STPG2: variants seen among roughly 807,000 people sequenced by gnomAD.
STPG2 encodes sperm tail PG-rich repeat containing 2, also known as sperm-tail PG-rich repeat-containing protein 2.
STPG2 carries 56 observed loss-of-function variants against 54.2 expected under a neutral mutation model. That is an observed-to-expected ratio of 1.03 (90% CI 0.83 to 1.29). The LOEUF is 1.29. Among genes scored for constraint, STPG2 ranks in the 50% most tolerant of loss-of-function variants. STPG2 has a pLI of 0.00. For missense variants in STPG2, 596 were observed against 544.9 expected, an observed-to-expected ratio of 1.09 and a Z score of -0.93; for synonymous variants, 200 against 181.8, an observed-to-expected ratio of 1.10 and a Z score of -0.81.
At chr4:97,767,992 C>A (rs1200950003) in intron 9 of STPG2, among the ~76,000 whole-genome samples, 1 of 152,008 alleles carries the variant, frequency 6.6e-6, no homozygotes, top group African/African-American at 2.4e-5. Flanking sequence ...ATGGTGAAAC[C>A]CCGTCTCTAC....
chr4:98,109,626 C>G lies in STPG2; in HGVS notation c.388-321G>C, dbSNP rs189350342. On this transcript the variant is annotated intron_variant, in intron 3 of 10. Coordinates refer to ENST00000295268, the MANE Select transcript of STPG2 (RefSeq NM_174952.3). ...AGAAAAATGAAAATTAGCTCCTCAT[C>G]ATTTAAAAAAGAGAGAGGGGATAAC... 3.5e-4 allele frequency among the ~76,000 whole-genome samples: 53 copies of G among 152,128 alleles called. 1 individual carries two copies. Among genetic ancestry groups the G allele is most frequent in the African/African-American group, 1.2e-3 (49 of 41,494 alleles).
intron 8 of STPG2, among the ~76,000 whole-genome samples, chr4:97,922,980 AT>A (rs1732164188): frequency 6.6e-6 from 1 of 151,946 alleles, no homozygotes; most frequent in African/African-American, 2.4e-5. Context: ...TACAAATGTC[AT>A]TTTATTTTTC....
chr4:98,008,032 A>G (rs1735624961), intron 5 of STPG2, among the ~76,000 whole-genome samples: 1 of 152,154 alleles, frequency 6.6e-6, no homozygotes. Context: ...ATCTATTTAA[A>G]GAAATAATTG....
intron 4 of STPG2, among the ~76,000 whole-genome samples, chr4:97,551,766 T>A (rs1215416551): frequency 6.6e-6 from 1 of 152,224 alleles, no homozygotes; most frequent in Non-Finnish European, 1.5e-5. Context: ...TTATTATTGC[T>A]ACAAAAATAT....
intron 10 of STPG2, among the ~76,000 whole-genome samples, chr4:97,570,097 C>A (rs986426516): frequency 6.6e-6 from 1 of 151,934 alleles, no homozygotes; most frequent in Non-Finnish European, 1.5e-5. Context: ...AAAGACAAAG[C>A]CTCTTTCAGA....
chr4:98,110,063 A>T (rs1739301176), intron 3 of STPG2, among the ~76,000 whole-genome samples: 1 of 152,180 alleles, frequency 6.6e-6, no homozygotes, highest in Admixed American at 6.6e-5. Flanking sequence ...AGAATATTTT[A>T]AAACATATTT....
At chr4:97,972,017 A>G (rs1734343895) in intron 7 of STPG2, among the ~76,000 whole-genome samples, 1 of 151,874 alleles carries the variant, frequency 6.6e-6, no homozygotes, top group South Asian at 2.1e-4. Context: ...CTTTCTGATC[A>G]CCTTCCCATG....
chr4:97,883,135 T>C (rs746601475), intron 8 of STPG2, among the ~76,000 whole-genome samples: 1 of 151,536 alleles, frequency 6.6e-6, no homozygotes, highest in East Asian at 1.9e-4. Flanking sequence ...ATGGGCAACA[T>C]AGGGAGACCT....
At chr4:97,989,318 A>C (rs1253515951) in intron 5 of STPG2, among the ~76,000 whole-genome samples, 1 of 152,198 alleles carries the variant, frequency 6.6e-6, no homozygotes, top group South Asian at 2.1e-4. Context: ...GAAGCTATAC[A>C]GATATGCCGT....
intron 4 of STPG2, among the ~76,000 whole-genome samples, chr4:97,485,906 T>C (rs1730343131): frequency 6.6e-6 from 1 of 151,512 alleles, no homozygotes; most frequent in African/African-American, 2.4e-5. Flanking sequence ...ACAGCCAACT[T>C]GTCTTCAACA....
chr4:97,958,210 T>C (rs1392322578), intron 7 of STPG2, among the ~76,000 whole-genome samples: 1 of 151,926 alleles, frequency 6.6e-6, no homozygotes, highest in Non-Finnish European at 1.5e-5. Context: ...CTTGAAAGGC[T>C]GAGGCACAAG....
intron 8 of STPG2, among the ~76,000 whole-genome samples, chr4:97,842,989 T>C (rs145244874): frequency 5.3e-5 from 8 of 152,016 alleles, no homozygotes; most frequent in African/African-American, 1.9e-4. Context: ...CTCTGTCTAA[T>C]AACAATAATT....
rs1409498981 is a variant in STPG2 at position 98,045,454 on chromosome 4, GT to G, written c.612+60498del. Among the ~76,000 whole-genome samples the G allele has an allele frequency of 2.6e-5, 4 of 152,200 alleles. No individual in the cohort carries two copies. In the East Asian group the frequency reaches 7.7e-4, roughly 29 times the overall value. On this transcript the variant is annotated intron_variant, in intron 5 of 10. Transcript: ENST00000295268. ...TGGAAATAAACTTCATGTACTTAAA[GT>G]TATACAGAAAATAGAATAAACTTAA...
At chr4:98,113,851 G>C (rs947189629) in intron 3 of STPG2, among the ~76,000 whole-genome samples, 3 of 151,974 alleles carry the variant, frequency 2.0e-5, no homozygotes, top group African/African-American at 7.2e-5. Context: ...GAATTCCTAA[G>C]TATAACACAA....
chr4:97,688,040 A>C (rs1723252671), intron 10 of STPG2, among the ~76,000 whole-genome samples: 2 of 152,144 alleles, frequency 1.3e-5, no homozygotes, highest in South Asian at 4.1e-4. Context: ...TTAACTTATA[A>C]CATTTATTCA....
intron 8 of STPG2, among the ~76,000 whole-genome samples, chr4:97,873,341 C>T (rs962317430): frequency 6.6e-6 from 1 of 151,248 alleles, no homozygotes; most frequent in Non-Finnish European, 1.5e-5. Flanking sequence ...GAGAAAGTAG[C>T]TTAAAATTGT....
rs190136559 is a variant in STPG2 at position 97,714,818 on chromosome 4, C to T, written c.1205-2004G>A. ...GTTAATTGAAAATTGTAGTTTTAAC[C>T]GTAAAGATATATAAAGGTTAATGCA... is the stretch of plus-strand genomic sequence containing the variant. On this transcript the variant is annotated intron_variant, in intron 9 of 10. Coordinates refer to ENST00000295268, the MANE Select transcript of STPG2 (RefSeq NM_174952.3). Among the ~76,000 whole-genome samples, 13 of 151,968 alleles carry T rather than the reference C, an allele frequency of 8.6e-5. No individual in the cohort carries two copies. The East Asian group carries it at 1.5e-3, about 18-fold the overall frequency.
At chr4:97,884,286 A>G (rs1278294697) in intron 8 of STPG2, among the ~76,000 whole-genome samples, 3 of 152,182 alleles carry the variant, frequency 2.0e-5, no homozygotes. Context: ...AATTTTTACA[A>G]TGAACTTAAC....
At chr4:97,677,492 G>T (rs1722887437) in intron 10 of STPG2, among the ~76,000 whole-genome samples, 1 of 152,214 alleles carries the variant, frequency 6.6e-6, no homozygotes, top group Admixed American at 6.6e-5. Context: ...GGCAGAGACT[G>T]CTAATTTTAA....
Sources: allele counts gnomAD v4.1 joint callset (sites outside exome capture counted in the v4.1 genomes callset), GRCh38; gene constraint gnomAD v4.1.1; transcripts MANE v1.5; gene names NCBI Gene and HGNC (gene_info 2026-07-23, HGNC 2026-07-21).